Variants in TRPM7 observed in about 807,000 individuals in gnomAD.
TRPM7 encodes LTRPC ion channel family member 7.
A neutral mutation model predicts 229.7 loss-of-function variants in TRPM7; 134 were observed. The ratio of observed to expected loss-of-function variants is 0.58; its 90% CI spans 0.51 to 0.67. The LOEUF (loss-of-function observed/expected upper bound fraction) is 0.67, where lower values mean the gene tolerates loss of function less well. Ranked by LOEUF, TRPM7 falls within the 30% of genes least tolerant of loss-of-function variation. TRPM7 has a pLI of 0.00. For missense variants in TRPM7, 1,901 were observed against 2,210.0 expected (o/e 0.86, Z 2.80); for synonymous variants, 699 against 715.2 (o/e 0.98, Z 0.36).
intron 20 of TRPM7, among the ~76,000 whole-genome samples, 180 bp from the exon 21 acceptor site, chr15:50,605,324 C>G (rs534528466): frequency 6.6e-6 from 1 of 152,180 alleles, no homozygotes; most frequent in Admixed American, 6.5e-5. Context: ...AATCTCGGCT[C>G]ACTGCAACCT....
chr15:50,609,789 A>AT lies in TRPM7; in HGVS notation c.2436+16_2436+17insA. 6.2e-7 allele frequency: 1 copy of AT among 1,601,146 alleles called. No individual in the cohort carries two copies. Among genetic ancestry groups the AT allele is most frequent in the Non-Finnish European group, 8.5e-7 (1 of 1,175,886 alleles). ...CAGAACAAACTTATATTTACTTTAA[A>AT]ATGTTTTCCTGCTTACCATGGGGAT... On this transcript the variant is annotated intron_variant, in intron 18 of 38. Transcript: ENST00000646667.
rs34122648 is a variant in TRPM7 at position 50,652,328 on chromosome 15, C to CAAAAAAA, written c.123-3450_123-3444dup. Among the ~76,000 whole-genome samples, 32 of 34,234 alleles carry CAAAAAAA rather than the reference C, an allele frequency of 9.3e-4. 2 individuals carry two copies. The highest frequency in any genetic ancestry group is 1.4e-3 in the African/African-American group (10 of 6,972). The allele number at this position is 34,234 out of a possible 152,430, so 22.5% of individuals were successfully genotyped here. ...AGCCTGGCTGAGTGAGACTCCATCTCAAAAAAAAAAAAAAAAAAAAAAAAA... is the reference window on the plus strand; with the variant it reads ...AGCCTGGCTGAGTGAGACTCCATCTCAAAAAAAAAAAAAAAAAAAAAAAAAAAAAAAA... On this transcript the variant is annotated intron_variant, in intron 3 of 38. Transcript: ENST00000646667.
chr15:50,681,960 T>C (rs1473926322), intron 1 of TRPM7, among the ~76,000 whole-genome samples: 3 of 152,016 alleles, frequency 2.0e-5, no homozygotes, highest in Non-Finnish European at 4.4e-5. Flanking sequence ...GGTGGATCAC[T>C]TGAGGTCAGG....
intron 1 of TRPM7, among the ~76,000 whole-genome samples, chr15:50,674,593 G>A (rs1242624305): frequency 6.6e-6 from 1 of 152,084 alleles, no homozygotes; most frequent in African/African-American, 2.4e-5. Flanking sequence ...TATGGTATTA[G>A]AGTATTCTAA....
At chr15:50,586,572 G>A in intron 27 of TRPM7, 84 bp from the exon 28 acceptor site, 1 of 816,304 alleles carries the variant, frequency 1.2e-6, no homozygotes, top group Non-Finnish European at 2.0e-6. Context: ...AGAGTCCCTT[G>A]ATCTATTTAG....
chr15:50,625,825 T>C (rs954239060), intron 11 of TRPM7, among the ~76,000 whole-genome samples: 6 of 152,240 alleles, frequency 3.9e-5, no homozygotes, highest in African/African-American at 1.4e-4. Context: ...TATTTTTCAC[T>C]TGCTTAAAAA....
intron 2 of TRPM7, among the ~76,000 whole-genome samples, chr15:50,660,553 G>A (rs1308350406): frequency 6.6e-6 from 1 of 152,134 alleles, no homozygotes; most frequent in East Asian, 1.9e-4. Flanking sequence ...TACTCAGGTA[G>A]CTGAGGCATG....
intron 38 of TRPM7, 69 bp from the exon 39 acceptor site, chr15:50,561,877 G>A: frequency 7.2e-7 from 1 of 1,387,118 alleles, no homozygotes; most frequent in South Asian, 1.5e-5. Context: ...GTATTTCTTA[G>A]AAATGGAGAA....
intron 13 of TRPM7, 83 bp from the exon 14 acceptor site, chr15:50,614,346 C>T: frequency 8.1e-7 from 1 of 1,232,276 alleles, no homozygotes; most frequent in Non-Finnish European, 1.1e-6. Flanking sequence ...GGCCTACTCT[C>T]CAAAATGACA....
At chr15:50,658,889 A>G (rs1220322599) in intron 2 of TRPM7, among the ~76,000 whole-genome samples, 2 of 152,256 alleles carry the variant, frequency 1.3e-5, no homozygotes, top group Non-Finnish European at 2.9e-5. Context: ...ATAATTAAAT[A>G]GGCTGCAACA....
chr15:50,623,238 C>G (rs755566453), intron 12 of TRPM7, among the ~76,000 whole-genome samples: 1 of 151,872 alleles, frequency 6.6e-6, no homozygotes, highest in Non-Finnish European at 1.5e-5. Context: ...ATGGTGAAAC[C>G]CCGACTCTAC....
Position 50,628,381 on chromosome 15 carries a change from C to T in TRPM7, c.1205-132G>A, listed in dbSNP as rs1181625575. The T allele has an allele frequency of 1.5e-5, 9 of 600,606 alleles. No homozygotes were observed. In the Admixed American group the frequency reaches 2.2e-4, roughly 15 times the overall value. The allele number at this position is 600,606 out of a possible 1,614,324, so 37.2% of individuals were successfully genotyped here. On this transcript the variant is annotated intron_variant, in intron 10 of 38. Transcript: ENST00000646667. ...CTAAAGTGCAAAGGTGATCATGGCT[C>T]ACTGCAGCCTTGAATTCCTGGGTTC...
chr15:50,638,582 T>C (rs2060991478), intron 6 of TRPM7, among the ~76,000 whole-genome samples: 1 of 151,380 alleles, frequency 6.6e-6, no homozygotes. Context: ...AACAATAAAA[T>C]GTAATATTGC....
At chr15:50,669,671 T>C (rs77177501) in intron 1 of TRPM7, among the ~76,000 whole-genome samples, 3,620 of 152,266 alleles carry the variant, frequency 0.024, 137 homozygotes, top group African/African-American at 0.082. Flanking sequence ...AGAACTATGG[T>C]ATACCTGTCA....
rs765054880 is a variant in TRPM7, at chr15:50,635,664, CAAAAAAAAAAA to C, written c.833-1119_833-1109del. 1.6e-4 allele frequency among the ~76,000 whole-genome samples: 9 copies of C among 56,580 alleles called. 2 individuals carry two copies. Among genetic ancestry groups the C allele is most frequent in the Admixed American group, 9.8e-4 (4 of 4,062 alleles). 37.1% of individuals were successfully genotyped at this position (56,580 alleles called of 152,430 possible). A position where few individuals can be genotyped will look rare whatever the true frequency, so the allele number is the denominator to read the frequency against. ...AGCAACAGAGCAAGACTCCATCTCC[CAAAAAAAAAAA>C]AAAAAAAAAAAAAAAAGAGGACGGC... is the stretch of plus-strand genomic sequence containing the variant. On this transcript the variant is annotated intron_variant, in intron 7 of 38. Transcript: ENST00000646667.
At chr15:50,658,778 C>T (rs569717510) in intron 2 of TRPM7, among the ~76,000 whole-genome samples, 1 of 152,260 alleles carries the variant, frequency 6.6e-6, no homozygotes, top group Non-Finnish European at 1.5e-5. Flanking sequence ...GAAAATTGTA[C>T]AAGGTCGTTG....
At chr15:50,614,330 G>A in intron 13 of TRPM7, 67 bp from the exon 14 acceptor site, 2 of 1,378,022 alleles carry the variant, frequency 1.5e-6, no homozygotes, top group South Asian at 3.0e-5. Context: ...GCCCTGCCTA[G>A]GAACAGGCCT....
chr15:50,673,226 C>T (rs1199674298), intron 1 of TRPM7, among the ~76,000 whole-genome samples: 1 of 152,170 alleles, frequency 6.6e-6, no homozygotes, highest in East Asian at 1.9e-4. Flanking sequence ...AAGCTCCATT[C>T]ACAGTAAATG....
At chr15:50,619,096 G>A (rs947910057) in intron 13 of TRPM7, among the ~76,000 whole-genome samples, 6 of 151,884 alleles carry the variant, frequency 4.0e-5, no homozygotes, top group African/African-American at 1.5e-4. Context: ...AATTTTCTGA[G>A]GAATAAATTT....
Sources: allele counts gnomAD v4.1 joint callset (sites outside exome capture counted in the v4.1 genomes callset), GRCh38; gene constraint gnomAD v4.1.1; transcripts MANE v1.5; gene names NCBI Gene and HGNC (gene_info 2026-07-23, HGNC 2026-07-21).